Variants in ADARB2 observed in about 807,000 individuals in gnomAD.
ADARB2 encodes adenosine deaminase RNA specific B2 (inactive).
ADARB2 carries 25 observed loss-of-function variants against 62.2 expected under a neutral mutation model. The observed-to-expected ratio is 0.40, with a 90% CI of 0.29 to 0.56. The LOEUF (loss-of-function observed/expected upper bound fraction) is 0.56, where lower values mean the gene tolerates loss of function less well. Among genes scored for constraint, ADARB2 ranks in the 20% least tolerant of loss-of-function variants. The pLI is 0.43. For missense variants in ADARB2, 1,071 were observed against 1,077.4 expected (o/e 0.99, Z 0.08); for synonymous variants, 572 against 500.8 (o/e 1.14, Z -1.90).
intron 1 of ADARB2, among the ~76,000 whole-genome samples, chr10:1,427,770 T>C (rs1832904032): frequency 6.6e-6 from 1 of 152,224 alleles, no homozygotes; most frequent in Non-Finnish European, 1.5e-5. Context: ...TAAAAAACTG[T>C]ACATGGATGT....
intron 1 of ADARB2, among the ~76,000 whole-genome samples, chr10:1,628,041 T>G (rs1833793351): frequency 1.3e-5 from 2 of 152,260 alleles, no homozygotes; most frequent in Admixed American, 6.5e-5. Flanking sequence ...CCCATCCCTC[T>G]GTGACTGGCC....
chr10:1,706,931 C>T (rs1300517943), intron 1 of ADARB2, among the ~76,000 whole-genome samples: 1 of 152,208 alleles, frequency 6.6e-6, no homozygotes, highest in East Asian at 1.9e-4. Context: ...TTTCATTGGG[C>T]AGGAAGTGGG....
chr10:1,587,037 T>C (rs1031485644), intron 1 of ADARB2, among the ~76,000 whole-genome samples: 26 of 152,190 alleles, frequency 1.7e-4, no homozygotes, highest in Non-Finnish European at 3.4e-4. Flanking sequence ...CACCGGGGAA[T>C]TGCAAATTTT....
intron 2 of ADARB2, among the ~76,000 whole-genome samples, chr10:1,365,729 C>T (rs1163600684): frequency 6.6e-6 from 1 of 152,242 alleles, no homozygotes; most frequent in Non-Finnish European, 1.5e-5. Context: ...AATAAAGAAA[C>T]ACACACCTTA....
chr10:1,726,783 G>C (rs925005741), intron 1 of ADARB2, among the ~76,000 whole-genome samples: 3 of 152,184 alleles, frequency 2.0e-5, no homozygotes, highest in African/African-American at 7.2e-5. Flanking sequence ...CTGGAGAGCA[G>C]CTGTGCATTC....
intron 1 of ADARB2, among the ~76,000 whole-genome samples, chr10:1,505,074 G>C (rs956606196): frequency 6.7e-6 from 1 of 150,238 alleles, no homozygotes; most frequent in Non-Finnish European, 1.5e-5. Context: ...AGACACACAC[G>C]GATGCACACA....
In ADARB2 at chr10:1,701,874, G is replaced by A. The variant is rs149974109; in HGVS notation, c.100+35177C>T. Among the ~76,000 whole-genome samples, 1,089 of 151,054 alleles carry A rather than the reference G, an allele frequency of 7.2e-3. 2 individuals are homozygous for A. The highest frequency in any genetic ancestry group is 0.025 in the African/African-American group (1,026 of 41,192). On this transcript the variant is annotated intron_variant, in intron 1 of 9. Coordinates refer to ENST00000381312, the MANE Select transcript of ADARB2 (RefSeq NM_018702.4). ...CAGTACACGCAATCCCACTCCACCG[G>A]GAGACCAGGCGCTCGCCAATACACT...
intron 4 of ADARB2, among the ~76,000 whole-genome samples, chr10:1,258,184 C>T (rs1355381387): frequency 6.6e-6 from 1 of 152,072 alleles, no homozygotes; most frequent in African/African-American, 2.4e-5. Flanking sequence ...CTTAAGTGTG[C>T]TTAACCATAG....
At chr10:1,633,088 T>C (rs1027495273) in intron 1 of ADARB2, among the ~76,000 whole-genome samples, 2 of 152,242 alleles carry the variant, frequency 1.3e-5, no homozygotes, top group Non-Finnish European at 2.9e-5. Context: ...TCTCCTGCTT[T>C]TCCTGCTTCT....
chr10:1,505,400 A>T (rs1409620871), intron 1 of ADARB2, among the ~76,000 whole-genome samples: 1 of 151,174 alleles, frequency 6.6e-6, no homozygotes, highest in Admixed American at 6.6e-5. Context: ...TTTTTTTGCA[A>T]CAAATAACTC....
At chr10:1,287,751 T>C (rs1437197411) in intron 3 of ADARB2, among the ~76,000 whole-genome samples, 1 of 152,252 alleles carries the variant, frequency 6.6e-6, no homozygotes, top group African/African-American at 2.4e-5. Context: ...TGTACCTTTA[T>C]TTCTGTTTAA....
intron 1 of ADARB2, among the ~76,000 whole-genome samples, chr10:1,676,745 A>C (rs1398537335): frequency 6.6e-6 from 1 of 151,830 alleles, no homozygotes; most frequent in African/African-American, 2.4e-5. Context: ...AAAAACTTCC[A>C]AAGACCCTAC....
intron 1 of ADARB2, among the ~76,000 whole-genome samples, chr10:1,519,562 C>G (rs138983152): frequency 6.6e-6 from 1 of 152,194 alleles, no homozygotes; most frequent in East Asian, 1.9e-4. Context: ...CCATCATCCC[C>G]GGTGCCCTAC....
chr10:1,345,055 G>A (rs557136446), intron 3 of ADARB2, among the ~76,000 whole-genome samples: 1 of 152,272 alleles, frequency 6.6e-6, no homozygotes, highest in East Asian at 1.9e-4. Flanking sequence ...AGCCTGGCAG[G>A]TGAGCCAGGA....
intron 1 of ADARB2, among the ~76,000 whole-genome samples, chr10:1,490,969 G>T (rs1831614525): frequency 6.6e-6 from 1 of 152,320 alleles, no homozygotes; most frequent in South Asian, 2.1e-4. Flanking sequence ...ATCATGGCAG[G>T]TGCTTCATAT....
intron 1 of ADARB2, among the ~76,000 whole-genome samples, chr10:1,676,886 C>A (rs1470761590): frequency 6.6e-6 from 1 of 152,102 alleles, no homozygotes. Flanking sequence ...CAGTGAGTGT[C>A]AGAAACTCAG....
At chr10:1,249,823 A>G (rs1017095895) in intron 4 of ADARB2, among the ~76,000 whole-genome samples, 7 of 152,096 alleles carry the variant, frequency 4.6e-5, no homozygotes, top group African/African-American at 1.7e-4. Flanking sequence ...GGAAACCTCC[A>G]GAGAATCCAG....
At chr10:1,407,448 G>A (rs1215291256) in intron 1 of ADARB2, among the ~76,000 whole-genome samples, 1 of 152,170 alleles carries the variant, frequency 6.6e-6, no homozygotes, top group Non-Finnish European at 1.5e-5. Context: ...GTGACCCACT[G>A]GCCTTTTTCT....
chr10:1,696,229 A>G (rs1874991), intron 1 of ADARB2, among the ~76,000 whole-genome samples: 146,793 of 152,150 alleles, frequency 0.96, 71,051 homozygotes, highest in East Asian at 1. Context: ...ATGTGCGTAT[A>G]TGCATGTTTG....
Sources: allele counts gnomAD v4.1 joint callset (sites outside exome capture counted in the v4.1 genomes callset), GRCh38; gene constraint gnomAD v4.1.1; transcripts MANE v1.5; gene names NCBI Gene and HGNC (gene_info 2026-07-23, HGNC 2026-07-21).